The following CACNB4 variants were observed in gnomAD, a reference collection of about 807,000 sequenced individuals.
The protein encoded by CACNB4 is voltage-dependent L-type calcium channel subunit beta-4.
In CACNB4, 32 loss-of-function variants were observed where a neutral mutation model predicts 71.2. The ratio of observed to expected loss-of-function variants is 0.45; its 90% CI spans 0.34 to 0.60. The LOEUF (loss-of-function observed/expected upper bound fraction) is 0.60, where lower values mean the gene tolerates loss of function less well. CACNB4 is among the 20% of genes least tolerant of loss of function. The pLI, the probability that CACNB4 is intolerant of heterozygous loss-of-function variation, is 0.01. For synonymous variants in CACNB4, 231 were observed against 236.9 expected, an observed-to-expected ratio of 0.97 and a Z score of 0.23; for missense variants, 464 against 647.9, an observed-to-expected ratio of 0.72 and a Z score of 3.08.
At chr2:152,026,528 G>A (rs1310118522) in intron 2 of CACNB4, among the ~76,000 whole-genome samples, 1 of 152,008 alleles carries the variant, frequency 6.6e-6, no homozygotes, top group Admixed American at 6.6e-5. Flanking sequence ...GGGAATACAG[G>A]TGCATGCCAC....
chr2:151,976,157 T>C (rs1216935698), intron 2 of CACNB4, among the ~76,000 whole-genome samples: 2 of 152,212 alleles, frequency 1.3e-5, no homozygotes, highest in East Asian at 3.9e-4. Context: ...TGGTTGCTCC[T>C]GCACCCAACC....
intron 6 of CACNB4, 32 bp downstream of exon 6, chr2:151,872,385 T>C (rs774759752): frequency 3.4e-5 from 42 of 1,226,192 alleles, no homozygotes; most frequent in Non-Finnish European, 4.5e-5. Flanking sequence ...AGGAATACAG[T>C]GTATGAAAAA....
At position 151,855,347 on chromosome 2, in the gene CACNB4, G is replaced by T; in HGVS notation, c.897C>A (p.Ile299=). The T allele has an allele frequency of 6.3e-7, 1 of 1,596,242 alleles. No individual in the cohort carries two copies. The highest frequency in any genetic ancestry group is 8.6e-7 in the Non-Finnish European group (1 of 1,165,980). The part of the protein sequence containing the change: ...LAEVQSEIER[I]FELARSLQLV... The stretch of plus-strand genomic sequence containing the variant: ...GTTGCAAAGATCTTGCCAACTCAAA[G>T]ATTCTTTCAATTTCACTTTGTACTT... Residue 299 remains isoleucine (I), a synonymous_variant, in exon 11 of 14, where the codon ATC becomes ATA. Coordinates refer to ENST00000539935, the MANE Select transcript of CACNB4 (RefSeq NM_000726.5).
chr2:152,059,516 T>C (rs1685897477), intron 2 of CACNB4, among the ~76,000 whole-genome samples: 1 of 152,254 alleles, frequency 6.6e-6, no homozygotes, highest in Non-Finnish European at 1.5e-5. Context: ...ATGGGGCTTG[T>C]AGCCCCTGTT....
intron 2 of CACNB4, among the ~76,000 whole-genome samples, chr2:152,031,370 A>AATGC (rs1436974373): frequency 1.3e-5 from 2 of 152,220 alleles, no homozygotes. Flanking sequence ...CGTGTTATAC[A>AATGC]ATGCATGTAG....
At chr2:151,881,186 T>C (rs886303762) in intron 3 of CACNB4, among the ~76,000 whole-genome samples, 13 of 152,100 alleles carry the variant, frequency 8.5e-5, no homozygotes, top group African/African-American at 2.9e-4. Context: ...TTAAGAGGGA[T>C]AGACAAAGGC....
chr2:151,985,370 G>A (rs573827949), intron 2 of CACNB4, among the ~76,000 whole-genome samples: 1 of 152,250 alleles, frequency 6.6e-6, no homozygotes, highest in African/African-American at 2.4e-5. Flanking sequence ...GTCCTATGCA[G>A]TTCTCATTGT....
At chr2:152,035,216 G>T (rs1684490511) in intron 2 of CACNB4, among the ~76,000 whole-genome samples, 1 of 152,186 alleles carries the variant, frequency 6.6e-6, no homozygotes, top group East Asian at 1.9e-4. Context: ...ATTTTCTTTT[G>T]TATATTTATT....
chr2:151,935,395 G>T (rs977567781), intron 2 of CACNB4, among the ~76,000 whole-genome samples: 2 of 152,204 alleles, frequency 1.3e-5, no homozygotes, highest in African/African-American at 4.8e-5. Flanking sequence ...GAGTAAAAGT[G>T]AGACAATGCA....
intron 2 of CACNB4, chr2:151,970,387 T>C (rs928580079): frequency 1.3e-5 from 2 of 152,210 alleles, no homozygotes; most frequent in African/African-American, 2.4e-5. Flanking sequence ...GCTGCGTCCA[T>C]GGATCCCCAT....
intron 9 of CACNB4, chr2:151,861,748 G>C (rs930645789): frequency 6.7e-6 from 1 of 150,240 alleles, no homozygotes; most frequent in Admixed American, 6.6e-5. Flanking sequence ...AGGCTGAGGT[G>C]GGGGAGGTCA....
chr2:151,850,038 C>T (rs1489837171), intron 12 of CACNB4: 1 of 152,184 alleles, frequency 6.6e-6, no homozygotes, highest in Non-Finnish European at 1.5e-5. Context: ...ATATTACTAT[C>T]TGGCCCTTTA....
intron 2 of CACNB4, among the ~76,000 whole-genome samples, chr2:151,966,424 G>A (rs911015995): frequency 6.6e-6 from 1 of 152,014 alleles, no homozygotes; most frequent in Non-Finnish European, 1.5e-5. Flanking sequence ...GGGATTACAG[G>A]CACCCACCAC....
At chr2:152,056,414 C>CT (rs1298716326) in intron 2 of CACNB4, among the ~76,000 whole-genome samples, 7 of 151,864 alleles carry the variant, frequency 4.6e-5, no homozygotes, top group African/African-American at 7.3e-5. Context: ...TCCCCAAATG[C>CT]TTTGTCAGTT....
At chr2:152,072,385 T>C (rs1369257038) in intron 2 of CACNB4, among the ~76,000 whole-genome samples, 2 of 152,232 alleles carry the variant, frequency 1.3e-5, no homozygotes, top group African/African-American at 4.8e-5. Context: ...GAATATTAAA[T>C]TTTAAGGAAA....
intron 2 of CACNB4, among the ~76,000 whole-genome samples, chr2:152,049,056 C>T (rs746758050): frequency 6.6e-6 from 1 of 152,126 alleles, no homozygotes; most frequent in African/African-American, 2.4e-5. Flanking sequence ...AATTCATAAG[C>T]GGTAGCCTTG....
chr2:151,863,555 C>T (rs180740595), intron 9 of CACNB4, among the ~76,000 whole-genome samples: 22 of 152,200 alleles, frequency 1.4e-4, no homozygotes, highest in African/African-American at 5.3e-4. Context: ...GCCCAACAAC[C>T]CAGAAAGTTG....
chr2:151,861,486 A>C (rs2099841625), intron 9 of CACNB4: 1 of 152,232 alleles, frequency 6.6e-6, no homozygotes, highest in African/African-American at 2.4e-5. Flanking sequence ...TCTAGTTGAA[A>C]GTAATGTGAG....
chr2:152,010,459 T>C (rs1408395020), intron 2 of CACNB4, among the ~76,000 whole-genome samples: 1 of 152,136 alleles, frequency 6.6e-6, no homozygotes, highest in Admixed American at 6.6e-5. Context: ...CATAATATTA[T>C]ACTGAACTAA....
Sources: gnomAD v4.1 joint callset for allele counts (sites outside exome capture counted in the v4.1 genomes callset) on GRCh38, gnomAD v4.1.1 for gene constraint, MANE v1.5 for transcripts, NCBI Gene and HGNC (gene_info 2026-07-23, HGNC 2026-07-21) for gene names.